EYS: variants seen among roughly 807,000 people sequenced by gnomAD.
The protein encoded by EYS is protein eyes shut homolog.
Under a neutral mutation model 282.1 loss-of-function variants are expected in EYS, and 250 were observed. The observed-to-expected ratio is 0.89, with a 90% CI of 0.80 to 0.98. The LOEUF (loss-of-function observed/expected upper bound fraction) is 0.98. Among genes scored for constraint, EYS ranks in the 50% least tolerant of loss-of-function variants. The pLI, the probability that EYS is intolerant of heterozygous loss-of-function variation, is 0.00. For synonymous variants in EYS, 1,355 were observed against 1,282.9 expected, an observed-to-expected ratio of 1.06 and a Z score of -1.20; for missense variants, 4,016 against 3,709.0, an observed-to-expected ratio of 1.08 and a Z score of -2.15.
intron 26 of EYS, among the ~76,000 whole-genome samples, chr6:64,484,506 G>C (rs548911226): frequency 6.6e-6 from 1 of 151,604 alleles, no homozygotes; most frequent in African/African-American, 2.4e-5. Flanking sequence ...AGGCAGCTAT[G>C]GCTTGACATT....
intron 22 of EYS, among the ~76,000 whole-genome samples, chr6:64,719,313 G>A (rs1771497139): frequency 6.6e-6 from 1 of 152,100 alleles, no homozygotes; most frequent in African/African-American, 2.4e-5. Flanking sequence ...GGAGTTCTGG[G>A]ATATGTTTTA....
chr6:64,218,611 G>A (rs1443264361), intron 31 of EYS, among the ~76,000 whole-genome samples: 2 of 152,066 alleles, frequency 1.3e-5, no homozygotes, highest in African/African-American at 2.4e-5. Context: ...TCAGCTCTTC[G>A]CCTACTGTCA....
At chr6:64,112,423 T>C (rs1054359024) in intron 31 of EYS, among the ~76,000 whole-genome samples, 7 of 152,118 alleles carry the variant, frequency 4.6e-5, no homozygotes, top group African/African-American at 1.7e-4. Context: ...TTTAACTGTA[T>C]ATTGACAAAT....
chr6:64,457,657 C>T (rs4112816), intron 26 of EYS, among the ~76,000 whole-genome samples: 56,093 of 151,692 alleles, frequency 0.37, 11,104 homozygotes, highest in African/African-American at 0.53. Context: ...CCATTTTATC[C>T]GAAATATGGA....
chr6:63,832,065 C>A (rs1253165229), intron 36 of EYS, among the ~76,000 whole-genome samples: 1 of 152,046 alleles, frequency 6.6e-6, no homozygotes, highest in Non-Finnish European at 1.5e-5. Context: ...AAATTTAAAG[C>A]AGTGTGTAGA....
chr6:64,916,076 A>G (rs565883467), intron 15 of EYS, among the ~76,000 whole-genome samples: 9 of 152,332 alleles, frequency 5.9e-5, no homozygotes, highest in South Asian at 2.1e-4. Flanking sequence ...ATTCAGTCAT[A>G]TAATGGGACT....
chr6:64,443,752 A>G (rs547009838), intron 26 of EYS, among the ~76,000 whole-genome samples: 2 of 152,142 alleles, frequency 1.3e-5, no homozygotes, highest in Admixed American at 6.5e-5. Context: ...GCTGCCATCT[A>G]TGTAATATGT....
At chr6:65,111,914 T>C (rs544337957) in intron 12 of EYS, among the ~76,000 whole-genome samples, 1 of 152,164 alleles carries the variant, frequency 6.6e-6, no homozygotes, top group Non-Finnish European at 1.5e-5. Context: ...AATTTTCATC[T>C]AATTTCATTA....
chr6:65,472,427 T>C (rs1044626404), intron 5 of EYS, among the ~76,000 whole-genome samples: 1 of 152,066 alleles, frequency 6.6e-6, no homozygotes, highest in Non-Finnish European at 1.5e-5. Context: ...AGATACATAT[T>C]CTTATGGAAA....
At chr6:64,418,405 A>G (rs1207890743) in intron 28 of EYS, among the ~76,000 whole-genome samples, 1 of 152,208 alleles carries the variant, frequency 6.6e-6, no homozygotes, top group African/African-American at 2.4e-5. Context: ...AGAAAGCACT[A>G]AAGTGAGTTT....
intron 31 of EYS, among the ~76,000 whole-genome samples, chr6:64,145,253 C>T (rs1479503679): frequency 1.3e-5 from 2 of 152,114 alleles, no homozygotes; most frequent in Non-Finnish European, 2.9e-5. Context: ...CTTAAACATA[C>T]ATGATGTAAC....
chr6:64,622,867 A>ATT (rs1411589621), intron 23 of EYS, among the ~76,000 whole-genome samples: 1 of 152,200 alleles, frequency 6.6e-6, no homozygotes, highest in Non-Finnish European at 1.5e-5. Context: ...TTAAAAATCA[A>ATT]TGACAGAGAA....
At chr6:64,291,230 G>T (rs912603025) in intron 30 of EYS, among the ~76,000 whole-genome samples, 2 of 151,828 alleles carry the variant, frequency 1.3e-5, no homozygotes, top group African/African-American at 4.8e-5. Flanking sequence ...TTAAATATAT[G>T]CAATAGTTTT....
chr6:63,874,948 T>C (rs1291285067), intron 35 of EYS, among the ~76,000 whole-genome samples: 1 of 152,206 alleles, frequency 6.6e-6, no homozygotes, highest in Admixed American at 6.5e-5. Context: ...CTTTTCCTAA[T>C]TGAATACTCT....
intron 14 of EYS, among the ~76,000 whole-genome samples, chr6:64,956,245 A>G (rs1012421755): frequency 6.6e-6 from 1 of 152,200 alleles, no homozygotes; most frequent in South Asian, 2.1e-4. Flanking sequence ...AAAAACAGAT[A>G]CAGACCAATG....
chr6:64,552,027 C>T (rs1417981124), intron 26 of EYS, among the ~76,000 whole-genome samples: 1 of 152,120 alleles, frequency 6.6e-6, no homozygotes, highest in Non-Finnish European at 1.5e-5. Context: ...ACCTTGGCCT[C>T]CCAAAGCACT....
intron 15 of EYS, among the ~76,000 whole-genome samples, chr6:64,922,112 C>T (rs887588267): frequency 6.6e-6 from 1 of 152,182 alleles, no homozygotes; most frequent in Non-Finnish European, 1.5e-5. Flanking sequence ...AATCAGCAGT[C>T]CTGTTGCTAC....
At chr6:63,999,225 G>T in intron 33 of EYS, 42 bp from the exon 34 acceptor site, 1 of 1,326,996 alleles carries the variant, frequency 7.5e-7, no homozygotes. Flanking sequence ...ATGTGTTTTT[G>T]GCAAGAAAGG....
intron 23 of EYS, among the ~76,000 whole-genome samples, chr6:64,624,126 C>T (rs17483306): frequency 0.6 from 90,474 of 151,920 alleles, 27,113 homozygotes; most frequent in South Asian, 0.68. Context: ...TTTTGAATAA[C>T]GCCTAGCAAT....
Sources: allele counts gnomAD v4.1 joint callset (sites outside exome capture counted in the v4.1 genomes callset), GRCh38; gene constraint gnomAD v4.1.1; transcripts MANE v1.5; gene names NCBI Gene and HGNC (gene_info 2026-07-23, HGNC 2026-07-21).